DISP1: variants seen among roughly 807,000 people sequenced by gnomAD.
DISP1 encodes protein dispatched homolog 1.
A neutral mutation model predicts 37.3 loss-of-function variants in DISP1; 30 were observed. That is an observed-to-expected ratio of 0.80 (90% CI 0.60 to 1.09). DISP1 has a LOEUF of 1.09. DISP1 is among the 50% of genes least tolerant of loss of function. DISP1 has a pLI of 0.00. For missense variants in DISP1, 1,598 were observed against 1,879.5 expected (o/e 0.85, Z 2.77); for synonymous variants, 634 against 690.2 (o/e 0.92, Z 1.28).
chr1:222,956,750 C>T lies in DISP1; in HGVS notation c.509+13418C>T, dbSNP rs1327906266. Among the ~76,000 whole-genome samples, 5 of 152,160 alleles carry T rather than the reference C, an allele frequency of 3.3e-5. No individual in the cohort carries two copies. The East Asian group carries it at 9.6e-4, about 29-fold the overall frequency. On this transcript the variant is annotated intron_variant, in intron 3 of 8. Coordinates refer to ENST00000675850, the MANE Select transcript of DISP1 (RefSeq NM_001377229.1). ...GGATTGTAGACTTCATTCCAGTATT[C>T]CATGCTCTTAAGTTAGTTAAGTTTA...
At chr1:222,920,466 G>A (rs1269539380) in intron 1 of DISP1, among the ~76,000 whole-genome samples, 2 of 152,168 alleles carry the variant, frequency 1.3e-5, no homozygotes, top group East Asian at 3.9e-4. Context: ...TATGGCTGAA[G>A]TGATTCAGCT....
In DISP1 at chr1:222,961,946, C is replaced by G. The variant is rs1224875737; in HGVS notation, c.509+18614C>G. 2.0e-5 allele frequency among the ~76,000 whole-genome samples: 3 copies of G among 151,954 alleles called. No homozygotes were observed. The East Asian group carries it at 5.8e-4, about 29-fold the overall frequency. ...ACTTGAACCCAGGAGGCAGAGGTTG[C>G]AGTGAGCTGAGATCACGCCACTGCA... On this transcript the variant is annotated intron_variant, in intron 3 of 8. Coordinates refer to ENST00000675850, the MANE Select transcript of DISP1 (RefSeq NM_001377229.1).
At chr1:222,947,273 T>C (rs1403175146) in intron 3 of DISP1, among the ~76,000 whole-genome samples, 1 of 152,208 alleles carries the variant, frequency 6.6e-6, no homozygotes, top group African/African-American at 2.4e-5. Flanking sequence ...ATTTGCCTTT[T>C]TTTTGTCTGG....
At chr1:222,860,949 C>G (rs1668848252) in intron 1 of DISP1, among the ~76,000 whole-genome samples, 1 of 152,092 alleles carries the variant, frequency 6.6e-6, no homozygotes, top group African/African-American at 2.4e-5. Context: ...TTTCTATCCC[C>G]ATTATATGCC....
At chr1:222,894,194 T>C (rs766155564) in intron 1 of DISP1, among the ~76,000 whole-genome samples, 1 of 152,174 alleles carries the variant, frequency 6.6e-6, no homozygotes, top group Non-Finnish European at 1.5e-5. Flanking sequence ...CACCTAGAAC[T>C]GACAGCCCGG....
intron 1 of DISP1, among the ~76,000 whole-genome samples, chr1:222,822,754 A>G (rs951966254): frequency 1.1e-4 from 17 of 152,244 alleles, no homozygotes; most frequent in African/African-American, 3.9e-4. Flanking sequence ...TGCCTCTAAA[A>G]TATCAGAGTG....
intron 1 of DISP1, among the ~76,000 whole-genome samples, chr1:222,910,806 T>C (rs188227598): frequency 3.3e-5 from 5 of 152,298 alleles, no homozygotes; most frequent in Admixed American, 1.3e-4. Flanking sequence ...GTCAATCTCA[T>C]TGGAGGCTGT....
intron 3 of DISP1, among the ~76,000 whole-genome samples, chr1:222,967,668 A>G (rs565373026): frequency 6.6e-6 from 1 of 152,312 alleles, no homozygotes; most frequent in African/African-American, 2.4e-5. Context: ...ACTTCAACCT[A>G]TGATGTAAGT....
At chr1:222,905,083 C>G (rs1405729805) in intron 1 of DISP1, among the ~76,000 whole-genome samples, 1 of 151,958 alleles carries the variant, frequency 6.6e-6, no homozygotes, top group Non-Finnish European at 1.5e-5. Context: ...AAAGAAGTAA[C>G]TATTATAAAC....
chr1:222,931,046 A>G (rs1266866330), intron 2 of DISP1, among the ~76,000 whole-genome samples: 3 of 152,040 alleles, frequency 2.0e-5, no homozygotes, highest in Non-Finnish European at 4.4e-5. Context: ...AAACTTCACA[A>G]AACAGCAGGG....
At chr1:222,941,432 A>G (rs138718399) in intron 2 of DISP1, among the ~76,000 whole-genome samples, 2 of 152,260 alleles carry the variant, frequency 1.3e-5, no homozygotes, top group East Asian at 3.9e-4. Flanking sequence ...CATCTACTTG[A>G]TTTTATATAT....
At chr1:222,860,083 T>C (rs553049713) in intron 1 of DISP1, among the ~76,000 whole-genome samples, 15 of 152,302 alleles carry the variant, frequency 9.8e-5, no homozygotes, top group Non-Finnish European at 1.8e-4. Flanking sequence ...TGAGATGGAG[T>C]TTTGCTCTTG....
rs376886819 is a variant in DISP1, at chr1:222,897,696, A to G, written c.-158-30734A>G. 2.7e-3 allele frequency among the ~76,000 whole-genome samples: 413 copies of G among 152,294 alleles called. 5 individuals are homozygous for G. Among genetic ancestry groups the G allele is most frequent in the African/African-American group, 9.1e-3 (377 of 41,576 alleles). ...GCACCTAATAGTTGTGGTTAAATCT[A>G]GAAATAATGAGGTAAGCCTTACTCC... On this transcript the variant is annotated intron_variant, in intron 1 of 8. Coordinates refer to ENST00000675850, the MANE Select transcript of DISP1 (RefSeq NM_001377229.1).
intron 1 of DISP1, among the ~76,000 whole-genome samples, chr1:222,915,049 G>A (rs2125429834): frequency 6.6e-6 from 1 of 152,214 alleles, no homozygotes. Flanking sequence ...TATGCTCCTG[G>A]CTTTCTAAAA....
intron 2 of DISP1, among the ~76,000 whole-genome samples, chr1:222,932,685 C>G (rs1673477282): frequency 6.6e-6 from 1 of 151,938 alleles, no homozygotes; most frequent in Admixed American, 6.6e-5. Context: ...TATGAGAAGC[C>G]TTCCCTACCT....
intron 3 of DISP1, among the ~76,000 whole-genome samples, chr1:222,980,445 G>T (rs907198575): frequency 6.7e-6 from 1 of 148,606 alleles, no homozygotes; most frequent in African/African-American, 2.5e-5. Context: ...GTGTGTATAA[G>T]AGAGAAACAA....
chr1:222,975,978 G>A (rs150135222), intron 3 of DISP1, among the ~76,000 whole-genome samples: 3 of 152,242 alleles, frequency 2.0e-5, no homozygotes, highest in Non-Finnish European at 2.9e-5. Context: ...TACAGCCTGC[G>A]GGAGTGTGTG....
At chr1:223,000,573 T>C (rs1679361655) in intron 8 of DISP1, among the ~76,000 whole-genome samples, 1 of 152,198 alleles carries the variant, frequency 6.6e-6, no homozygotes, top group African/African-American at 2.4e-5. Context: ...ACAAACAACT[T>C]TTTATTATGG....
At chr1:222,854,433 A>C (rs1315549811) in intron 1 of DISP1, among the ~76,000 whole-genome samples, 1 of 152,024 alleles carries the variant, frequency 6.6e-6, no homozygotes, top group Non-Finnish European at 1.5e-5. Flanking sequence ...TGTGAGACTC[A>C]CTCTTTATCA....
Sources: allele counts gnomAD v4.1 joint callset (sites outside exome capture counted in the v4.1 genomes callset), GRCh38; gene constraint gnomAD v4.1.1; transcripts MANE v1.5; gene names NCBI Gene and HGNC (gene_info 2026-07-23, HGNC 2026-07-21).